The following PCDHA10 variants were observed in gnomAD, a reference collection of about 807,000 sequenced individuals.
PCDHA10 encodes protocadherin alpha 10.
PCDHA10 carries 45 observed loss-of-function variants against 61.2 expected under a neutral mutation model. That is an observed-to-expected ratio of 0.74 (90% CI 0.58 to 0.94). PCDHA10 has a LOEUF of 0.94. Ranked by LOEUF, PCDHA10 falls within the 40% of genes least tolerant of loss-of-function variation. The probability of loss-of-function intolerance (pLI) is 0.00; values close to 1 mark genes in which losing one functional copy is unlikely to be tolerated. For missense variants in PCDHA10, 1,278 were observed against 1,236.2 expected (o/e 1.03, Z -0.51); for synonymous variants, 602 against 548.8 (o/e 1.10, Z -1.35).
rs113486331 is a variant in PCDHA10, at chr5:140,935,958, T to C, written c.2389-42991T>C. ...CCCAGGCTGGAGTAAAGTGGTACAATCTTGGCTCACTGCAATCTCTGCCTC... is the reference window on the plus strand; with the variant it reads ...CCCAGGCTGGAGTAAAGTGGTACAACCTTGGCTCACTGCAATCTCTGCCTC... On this transcript the variant is annotated intron_variant, in intron 1 of 3. Coordinates refer to ENST00000307360, the MANE Select transcript of PCDHA10 (RefSeq NM_018901.4). Among the ~76,000 whole-genome samples the C allele has an allele frequency of 4.3e-3, 649 of 149,438 alleles. 7 individuals are homozygous for C. The highest frequency in any genetic ancestry group is 0.015 in the African/African-American group (604 of 40,738).
chr5:140,979,102 C>T (rs1263848262), intron 2 of PCDHA10, 95 bp downstream of exon 2: 1 of 1,541,684 alleles, frequency 6.5e-7, no homozygotes, highest in Non-Finnish European at 8.7e-7. Flanking sequence ...GCTGTCAAAA[C>T]TAAAAAGCTT....
At position 141,009,757 on chromosome 5, in the gene PCDHA10, A is replaced by G; in HGVS notation, c.2667A>G (p.Pro889=). 6.2e-7 allele frequency: 1 copy of G among 1,614,200 alleles called. No individual in the cohort carries two copies. Among genetic ancestry groups the G allele is most frequent in the Non-Finnish European group, 8.5e-7 (1 of 1,180,036 alleles). Residue 889 remains proline (P), a synonymous_variant, in exon 4 of 4, where the codon CCA becomes CCG. Coordinates refer to ENST00000307360, the MANE Select transcript of PCDHA10 (RefSeq NM_018901.4). ...AGTTGCCCGACAAATTCATTATCCCAGGATCTCCTGCAATCATCTCCATCC... is the reference window on the plus strand; with the variant it reads ...AGTTGCCCGACAAATTCATTATCCCGGGATCTCCTGCAATCATCTCCATCC... ...PGELPDKFII[P]GSPAIISIRQ... is the part of the protein sequence containing the mutation.
intron 3 of PCDHA10, among the ~76,000 whole-genome samples, chr5:140,984,467 T>G (rs1358469857): frequency 4.6e-5 from 7 of 152,220 alleles, no homozygotes; most frequent in African/African-American, 1.7e-4. Context: ...CCAGCCCCTC[T>G]TGTATAACCC....
chr5:140,987,075 G>C (rs564788093), intron 3 of PCDHA10, among the ~76,000 whole-genome samples: 1 of 152,006 alleles, frequency 6.6e-6, no homozygotes, highest in Admixed American at 6.5e-5. Context: ...TGAGCTGGGC[G>C]TGGTGGCAGG....
At chr5:140,905,343 G>C (rs2071757275) in intron 1 of PCDHA10, among the ~76,000 whole-genome samples, 1 of 152,148 alleles carries the variant, frequency 6.6e-6, no homozygotes, top group Non-Finnish European at 1.5e-5. Context: ...TCAGTTGGCT[G>C]TAAGTATTTG....
chr5:141,004,092 C>T (rs1245515449), intron 3 of PCDHA10, among the ~76,000 whole-genome samples: 1 of 152,198 alleles, frequency 6.6e-6, no homozygotes, highest in Non-Finnish European at 1.5e-5. Context: ...TGTGCTTCTT[C>T]CGTTTTCATC....
intron 3 of PCDHA10, among the ~76,000 whole-genome samples, chr5:141,005,708 A>G (rs1245739768): frequency 6.8e-6 from 1 of 146,360 alleles, no homozygotes; most frequent in Non-Finnish European, 1.5e-5. Context: ...TCTCAAAAAA[A>G]AAAAAAAAAA....
chr5:140,906,316 A>G (rs191261196), intron 1 of PCDHA10, among the ~76,000 whole-genome samples: 377 of 152,344 alleles, frequency 2.5e-3, no homozygotes, highest in African/African-American at 8.6e-3. Flanking sequence ...TATTCCCAAC[A>G]TGATACAACT....
At chr5:140,924,572 A>G (rs1345446158) in intron 1 of PCDHA10, among the ~76,000 whole-genome samples, 1 of 152,132 alleles carries the variant, frequency 6.6e-6, no homozygotes, top group African/African-American at 2.4e-5. Flanking sequence ...CAATTTTTAA[A>G]TGTTTTCAAA....
chr5:140,921,233 T>C lies in PCDHA10; in HGVS notation c.2389-57716T>C, dbSNP rs1431130539. 2.6e-5 allele frequency among the ~76,000 whole-genome samples: 4 copies of C among 152,162 alleles called. No individual in the cohort carries two copies. The East Asian group carries it at 5.8e-4, about 22-fold the overall frequency. ...TTCACGTCTTTTTTGCTAGATGATATTAAGCCACAGATCAAAAAGTCCTAG... is the reference window on the plus strand; with the variant it reads ...TTCACGTCTTTTTTGCTAGATGATACTAAGCCACAGATCAAAAAGTCCTAG... On this transcript the variant is annotated intron_variant, in intron 1 of 3. Coordinates refer to ENST00000307360, the MANE Select transcript of PCDHA10 (RefSeq NM_018901.4).
chr5:140,941,942 T>C (rs2093203170), intron 1 of PCDHA10, among the ~76,000 whole-genome samples: 1 of 152,234 alleles, frequency 6.6e-6, no homozygotes, highest in African/African-American at 2.4e-5. Flanking sequence ...GAATTACTTT[T>C]GTTTTGAAAA....
At chr5:140,928,809 GGACCATGGA>G (rs1563109708) in intron 1 of PCDHA10, 1 of 1,614,078 alleles carries the variant, frequency 6.2e-7, no homozygotes, top group Non-Finnish European at 8.5e-7. Flanking sequence ...TAGTGGTTCG[GGACCATGGA>G]GACCCACCAC....
chr5:140,877,488 C>A lies in PCDHA10; in HGVS notation c.2388+19052C>A, dbSNP rs781785108. On this transcript the variant is annotated intron_variant, in intron 1 of 3. Coordinates refer to ENST00000307360, the MANE Select transcript of PCDHA10 (RefSeq NM_018901.4). ...CGGTGCTGGTGTCGCTGGTGGAGAACGGCCAGGCCCCAAAGACGTCGTCGC... is the reference window on the plus strand; with the variant it reads ...CGGTGCTGGTGTCGCTGGTGGAGAAAGGCCAGGCCCCAAAGACGTCGTCGC... The A allele has an allele frequency of 2.5e-6, 4 of 1,613,736 alleles. No individual in the cohort carries two copies. The African/African-American group carries it at 5.3e-5, about 22-fold the overall frequency.
chr5:140,957,736 C>T (rs1001757062), intron 1 of PCDHA10, among the ~76,000 whole-genome samples: 3 of 151,944 alleles, frequency 2.0e-5, no homozygotes, highest in Non-Finnish European at 4.4e-5. Context: ...ATTATATATA[C>T]TGACATGAAA....
rs149846721 is a variant in PCDHA10 at position 140,856,069 on chromosome 5, C to T, written c.21C>T (p.Cys7=). MVSRCS[C]LGVQCLLLSL... ...ATAAGATGGTTTCCAGATGTAGCTG[C>T]CTGGGGGTCCAGTGTCTGCTGCTCT... is the stretch of plus-strand genomic sequence containing the variant. Residue 7 remains cysteine, a synonymous_variant, in exon 1 of 4, where the codon TGC becomes TGT. Transcript: ENST00000307360. 2.1e-5 allele frequency: 33 copies of T among 1,591,484 alleles called. 2 individuals carry two copies. In the African/African-American group the frequency reaches 3.4e-4, roughly 16 times the overall value.
chr5:140,932,500 T>C (rs2088368568), intron 1 of PCDHA10, among the ~76,000 whole-genome samples: 3 of 151,914 alleles, frequency 2.0e-5, no homozygotes, highest in Non-Finnish European at 4.4e-5. Context: ...ATGTCATTTG[T>C]TAACAGTAGT....
At chr5:140,921,958 A>G (rs155363) in intron 1 of PCDHA10, among the ~76,000 whole-genome samples, 87,659 of 151,706 alleles carry the variant, frequency 0.58, 26,267 homozygotes, top group African/African-American at 0.75. Flanking sequence ...AAATCCCAGA[A>G]AACCAAAGGA....
At chr5:140,947,451 A>G (rs2094135983) in intron 1 of PCDHA10, among the ~76,000 whole-genome samples, 1 of 151,658 alleles carries the variant, frequency 6.6e-6, no homozygotes, top group Non-Finnish European at 1.5e-5. Context: ...GAAATCCTCC[A>G]ACCTTGTTCT....
chr5:140,882,143 C>A, intron 1 of PCDHA10: 2 of 1,494,048 alleles, frequency 1.3e-6, no homozygotes, highest in Admixed American at 2.3e-5. Context: ...GAAAATATAG[C>A]AGAAAGCGGA....
Sources: gnomAD v4.1 joint callset for allele counts (sites outside exome capture counted in the v4.1 genomes callset) on GRCh38, gnomAD v4.1.1 for gene constraint, MANE v1.5 for transcripts, NCBI Gene and HGNC (gene_info 2026-07-23, HGNC 2026-07-21) for gene names.